DENND4A: variants seen among roughly 807,000 people sequenced by gnomAD.
DENND4A encodes the protein C-myc promoter-binding protein.
DENND4A carries 70 observed loss-of-function variants against 199.3 expected under a neutral mutation model. The ratio of observed to expected loss-of-function variants is 0.35; its 90% confidence interval spans 0.29 to 0.43. DENND4A has a LOEUF of 0.43. Ranked by LOEUF, DENND4A falls within the 20% of genes least tolerant of loss-of-function variation. The pLI is 1.00. For synonymous variants in DENND4A, 686 were observed against 766.9 expected, an observed-to-expected ratio of 0.89 and a Z score of 1.74; for missense variants, 1,723 against 2,255.8, an observed-to-expected ratio of 0.76 and a Z score of 4.78.
chr15:65,754,636 T>C (rs76224991), intron 3 of DENND4A, among the ~76,000 whole-genome samples: 5,734 of 152,296 alleles, frequency 0.038, 379 homozygotes, highest in African/African-American at 0.13. Context: ...TCCGAAGATA[T>C]ACAAACTTGT....
chr15:65,765,920 G>T (rs2076971323), intron 1 of DENND4A, among the ~76,000 whole-genome samples: 1 of 152,182 alleles, frequency 6.6e-6, no homozygotes. Context: ...CCAATGAAAT[G>T]CAGAGATATA....
At chr15:65,747,967 G>A (rs1305482086) in intron 4 of DENND4A, among the ~76,000 whole-genome samples, 1 of 149,772 alleles carries the variant, frequency 6.7e-6, no homozygotes, top group East Asian at 2.0e-4. Flanking sequence ...TTGAACCCGG[G>A]AGGTGGAGGT....
chr15:65,744,767 CT>C (rs1443823572), intron 4 of DENND4A, among the ~76,000 whole-genome samples: 1 of 152,034 alleles, frequency 6.6e-6, no homozygotes, highest in African/African-American at 2.4e-5. Flanking sequence ...GTACAGAAGC[CT>C]TTTTGTTGGC....
At chr15:65,709,719 A>AAAATATATATATATAT (rs1218030026) in intron 14 of DENND4A, among the ~76,000 whole-genome samples, 68 of 51,430 alleles carry the variant, frequency 1.3e-3, no homozygotes, top group East Asian at 1.9e-3. Flanking sequence ...AAAAAAAAAA[A>AAAATATATATATATAT]ATATATATAT....
chr15:65,701,257 C>A, intron 18 of DENND4A, 65 bp from the exon 19 acceptor site: 1 of 1,310,312 alleles, frequency 7.6e-7, no homozygotes, highest in South Asian at 1.6e-5. Context: ...ATATTGGTTT[C>A]AGAATTAAGC....
In DENND4A at chr15:65,717,768, A is replaced by T; in HGVS notation, c.1807+10T>A. On this transcript the variant is annotated intron_variant, in intron 13 of 32. Transcript: ENST00000443035. ...TAACCTGAAAGCTTTAAAACTATGC[A>T]GTCACTCACCTTGTAGGGCAAAGAG... The T allele has an allele frequency of 6.3e-7, 1 of 1,578,750 alleles. No homozygotes were observed. The highest frequency in any genetic ancestry group is 8.6e-7 in the Non-Finnish European group (1 of 1,162,720).
At chr15:65,771,294 T>C (rs767647684) in intron 1 of DENND4A, 4 of 1,588,228 alleles carry the variant, frequency 2.5e-6, no homozygotes, top group Non-Finnish European at 3.4e-6. Context: ...TGCATATCTG[T>C]TTTTTGTTGT....
chr15:65,697,203 C>A, intron 21 of DENND4A, 64 bp downstream of exon 21: 1 of 1,028,174 alleles, frequency 9.7e-7, no homozygotes, highest in East Asian at 2.5e-5. Flanking sequence ...TTTATAAAAT[C>A]ACCTGCATTT....
intron 22 of DENND4A, 82 bp downstream of exon 22, chr15:65,696,284 A>T: frequency 6.0e-6 from 9 of 1,492,302 alleles, no homozygotes; most frequent in Non-Finnish European, 8.1e-6. Context: ...TGGAGAATTA[A>T]GACTATTAAA....
chr15:65,673,422 G>C (rs1238432742), intron 24 of DENND4A, among the ~76,000 whole-genome samples: 1 of 151,812 alleles, frequency 6.6e-6, no homozygotes, highest in Non-Finnish European at 1.5e-5. Context: ...AGTGAGCTAT[G>C]ACTCTGCCAC....
intron 24 of DENND4A, among the ~76,000 whole-genome samples, chr15:65,673,573 A>G (rs74024336): frequency 0.046 from 6,939 of 151,664 alleles, 557 homozygotes; most frequent in African/African-American, 0.16. Context: ...CCACCGGGAT[A>G]CAATCAGCAT....
chr15:65,781,758 T>C (rs1412959668), intron 1 of DENND4A, among the ~76,000 whole-genome samples: 3 of 152,112 alleles, frequency 2.0e-5, no homozygotes, highest in Non-Finnish European at 2.9e-5. Context: ...CTGGAAAAAA[T>C]GGCCTGGGGA....
intron 11 of DENND4A, among the ~76,000 whole-genome samples, chr15:65,723,685 A>C (rs890524837): frequency 1.3e-5 from 2 of 152,178 alleles, no homozygotes; most frequent in African/African-American, 4.8e-5. Flanking sequence ...ACCTATGATA[A>C]AGTTCAATTT....
At chr15:65,702,058 C>A (rs957064202) in intron 17 of DENND4A, among the ~76,000 whole-genome samples, 168 bp from the exon 18 acceptor site, 5 of 152,132 alleles carry the variant, frequency 3.3e-5, no homozygotes, top group Non-Finnish European at 5.9e-5. Context: ...AGCCCAGGAG[C>A]TTCTGACTAA....
chr15:65,775,651 A>G (rs2077265648), intron 1 of DENND4A, among the ~76,000 whole-genome samples: 1 of 150,608 alleles, frequency 6.6e-6, no homozygotes, highest in South Asian at 2.1e-4. Context: ...AAAAAAAAAA[A>G]AAAAAAAAAA....
At chr15:65,754,404 A>G (rs538499619) in intron 3 of DENND4A, among the ~76,000 whole-genome samples, 3 of 152,256 alleles carry the variant, frequency 2.0e-5, no homozygotes, top group South Asian at 2.1e-4. Context: ...CAGTTCTGTA[A>G]GCAGTTACTT....
intron 2 of DENND4A, 32 bp from the exon 3 acceptor site, chr15:65,756,504 T>A: frequency 6.8e-7 from 1 of 1,467,682 alleles, no homozygotes; most frequent in Non-Finnish European, 9.2e-7. Flanking sequence ...AGTACTCCCC[T>A]ATAATAAGCA....
At position 65,770,652 on chromosome 15, in the gene DENND4A, TTTG is replaced by T. The variant is rs1234890632; in HGVS notation, c.-101-9217_-101-9215del. ...TAAGATTTTACACAAAGTTAAAGTT[TTTG>T]TTTTTTCTTTTTGAAAAAGTTTCAT... On this transcript the variant is annotated intron_variant, in intron 1 of 32. Coordinates refer to ENST00000443035, the MANE Select transcript of DENND4A (RefSeq NM_001320835.1). Among the ~76,000 whole-genome samples the T allele has an allele frequency of 2.1e-4, 32 of 152,312 alleles. No individual in the cohort carries two copies. The East Asian group carries it at 4.0e-3, about 19-fold the overall frequency.
At position 65,711,082 on chromosome 15, in the gene DENND4A, G is replaced by A. The variant is rs116486828; in HGVS notation, c.1953+4396C>T. On this transcript the variant is annotated intron_variant, in intron 14 of 32. Coordinates refer to ENST00000443035, the MANE Select transcript of DENND4A (RefSeq NM_001320835.1). Reference sequence around the variant, plus strand: ...GTATTTCTTTACGGCAACACAAGAAGGGCCTAACAGAAGTGCCAAATAAGG... The same window carrying A: ...GTATTTCTTTACGGCAACACAAGAAAGGCCTAACAGAAGTGCCAAATAAGG... 3.6e-3 allele frequency among the ~76,000 whole-genome samples: 545 copies of A among 152,248 alleles called. 3 individuals are homozygous for A. Among genetic ancestry groups the A allele is most frequent in the African/African-American group, 0.013 (525 of 41,554 alleles).
Sources: allele counts gnomAD v4.1 joint callset (sites outside exome capture counted in the v4.1 genomes callset), GRCh38; gene constraint gnomAD v4.1.1; transcripts MANE v1.5; gene names NCBI Gene and HGNC (gene_info 2026-07-23, HGNC 2026-07-21).